Variants in ZNF107 observed in about 807,000 individuals in gnomAD.
ZNF107 encodes zinc finger protein 107.
ZNF107 carries 19 observed loss-of-function variants against 12.3 expected under a neutral mutation model. That is an observed-to-expected ratio of 1.55 (90% CI 1.08 to 2.27). The LOEUF is 2.27. Among genes scored for constraint, ZNF107 ranks in the 30% most tolerant of loss-of-function variants. The pLI, the probability that ZNF107 is intolerant of heterozygous loss-of-function variation, is 0.00. For synonymous variants in ZNF107, 317 were observed against 330.5 expected (o/e 0.96, Z 0.44); for missense variants, 958 against 979.9 (o/e 0.98, Z 0.30).
rs1789197005 is a variant in ZNF107 at position 64,670,919 on chromosome 7, C to G, written c.3+4634C>G. Among the ~76,000 whole-genome samples the G allele has an allele frequency of 3.3e-5, 5 of 152,098 alleles. No individual in the cohort carries two copies. The South Asian group carries it at 1.0e-3, about 32-fold the overall frequency. ...ACAGTAGTTTAGAAGCACTGATAGG[C>G]CCGTATGGTTTTTGACTGGCATCTG... On this transcript the variant is annotated intron_variant, in intron 1 of 3. Transcript: ENST00000620827.
In ZNF107 at chr7:64,686,910, C is replaced by T. The variant is rs142910417; in HGVS notation, c.4-4338C>T. On this transcript the variant is annotated intron_variant, in intron 1 of 3. Coordinates refer to ENST00000620827, the MANE Select transcript of ZNF107 (RefSeq NM_001282359.2). ...CACAAAGTCTGCTTGGGTCTTCAAT[C>T]CAGACCACGCTGTAACACACACTTA... 3.8e-4 allele frequency: 371 copies of T among 985,412 alleles called. 3 individuals carry two copies. In the African/African-American group the frequency reaches 5.8e-3, roughly 15 times the overall value. 61.0% of individuals were successfully genotyped at this position (985,412 alleles called of 1,614,324 possible).
intron 1 of ZNF107, among the ~76,000 whole-genome samples, chr7:64,672,552 G>A (rs888607114): frequency 3.3e-5 from 5 of 152,048 alleles, no homozygotes; most frequent in East Asian, 1.9e-4. Flanking sequence ...TTGTAAAGAC[G>A]TGGTTCTTCC....
chr7:64,695,481 AGT>A (rs1399227018), intron 3 of ZNF107, among the ~76,000 whole-genome samples: 1 of 152,154 alleles, frequency 6.6e-6, no homozygotes, highest in African/African-American at 2.4e-5. Context: ...GTTCCATATT[AGT>A]GTGGTTTTTC....
Position 64,706,825 on chromosome 7 carries a change from A to T in ZNF107, c.728A>T (p.Gln243Leu), listed in dbSNP as rs759343020. The change falls in exon 4 of 4, where the codon CAA becomes CTA. Residue 243 changes from glutamine (Q) to leucine (L), a missense_variant. Gln to Leu is a moderately radical substitution (Grantham distance 113). Coordinates refer to ENST00000620827, the MANE Select transcript of ZNF107 (RefSeq NM_001282359.2). ...ECGKAFNQSS[Q>L]LTRHKIIHTE... ...GGCAAAGCCTTTAACCAGTCCTCAC[A>T]ACTTACTAGGCATAAGATAATTCAT... 6.2e-7 allele frequency: 1 copy of T among 1,613,568 alleles called. No individual in the cohort carries two copies. The highest frequency in any genetic ancestry group is 8.5e-7 in the Non-Finnish European group (1 of 1,179,798).
At chr7:64,699,352 T>A (rs1162960464) in intron 3 of ZNF107, among the ~76,000 whole-genome samples, 1 of 152,218 alleles carries the variant, frequency 6.6e-6, no homozygotes, top group Admixed American at 6.5e-5. Flanking sequence ...CTTTTGCTTT[T>A]AATTAGTAGG....
At chr7:64,666,920 G>A (rs1481769223) in intron 1 of ZNF107, among the ~76,000 whole-genome samples, 1 of 127,554 alleles carries the variant, frequency 7.8e-6, no homozygotes, top group Non-Finnish European at 1.6e-5. Flanking sequence ...GATGAAGGTG[G>A]AAATTTTCTG....
intron 1 of ZNF107, among the ~76,000 whole-genome samples, chr7:64,675,675 G>A (rs4718098): frequency 0.93 from 141,437 of 152,262 alleles, 65,724 homozygotes; most frequent in African/African-American, 0.94. Flanking sequence ...TCATGCTTTT[G>A]TTTATAATGT....
chr7:64,698,201 G>GT (rs1790359239), intron 3 of ZNF107, among the ~76,000 whole-genome samples: 1 of 152,016 alleles, frequency 6.6e-6, no homozygotes, highest in Non-Finnish European at 1.5e-5. Flanking sequence ...TTTCTAATTT[G>GT]TGTATCTTTT....
intron 3 of ZNF107, among the ~76,000 whole-genome samples, chr7:64,697,280 A>C (rs981544071): frequency 6.6e-6 from 1 of 152,092 alleles, no homozygotes; most frequent in Non-Finnish European, 1.5e-5. Context: ...ATAAACATAC[A>C]TGTGCATGTG....
At chr7:64,678,680 A>G (rs959460702) in intron 1 of ZNF107, among the ~76,000 whole-genome samples, 1 of 152,206 alleles carries the variant, frequency 6.6e-6, no homozygotes, top group Non-Finnish European at 1.5e-5. Context: ...AAAATTATTT[A>G]TACTTAGGTA....
chr7:64,697,210 TCTA>T (rs1382204045), intron 3 of ZNF107, among the ~76,000 whole-genome samples: 1 of 152,208 alleles, frequency 6.6e-6, no homozygotes, highest in Non-Finnish European at 1.5e-5. Flanking sequence ...CTTAGTCCAG[TCTA>T]TCATTGTTGG....
intron 3 of ZNF107, among the ~76,000 whole-genome samples, chr7:64,704,872 G>T (rs1273792230): frequency 4.6e-5 from 7 of 152,078 alleles, no homozygotes; most frequent in Admixed American, 3.9e-4. Flanking sequence ...TACAGATGGG[G>T]TTTCACCATG....
At chr7:64,701,436 AT>A (rs71778819) in intron 3 of ZNF107, among the ~76,000 whole-genome samples, 78 of 144,170 alleles carry the variant, frequency 5.4e-4, no homozygotes, top group East Asian at 1.9e-3. Context: ...TAATTTTTGT[AT>A]TTTTTTTTTT....
At chr7:64,692,586 A>G (rs1790151413) in intron 3 of ZNF107, among the ~76,000 whole-genome samples, 1 of 152,158 alleles carries the variant, frequency 6.6e-6, no homozygotes, top group Non-Finnish European at 1.5e-5. Flanking sequence ...TAGGGAGTTT[A>G]TTGAATCTAT....
chr7:64,701,806 A>G (rs1452789621), intron 3 of ZNF107, among the ~76,000 whole-genome samples: 1 of 152,000 alleles, frequency 6.6e-6, no homozygotes. Flanking sequence ...TTTTTTGTAG[A>G]GACAGGGTTT....
At chr7:64,683,219 A>G (rs1225608675) in intron 1 of ZNF107, among the ~76,000 whole-genome samples, 3 of 152,204 alleles carry the variant, frequency 2.0e-5, no homozygotes, top group Non-Finnish European at 4.4e-5. Flanking sequence ...CCTTCATCAC[A>G]GTGCTGCCAT....
At chr7:64,666,337 C>G in intron 1 of ZNF107, 52 bp downstream of exon 1, 7 of 1,599,470 alleles carry the variant, frequency 4.4e-6, no homozygotes, top group Non-Finnish European at 6.0e-6. Context: ...CTGGTTGGAA[C>G]CGATCGGAAG....
intron 3 of ZNF107, among the ~76,000 whole-genome samples, chr7:64,696,499 A>T (rs1177666212): frequency 6.6e-6 from 1 of 152,196 alleles, no homozygotes; most frequent in East Asian, 1.9e-4. Context: ...TGGGTGACAG[A>T]GTGAGACCTG....
chr7:64,688,702 G>A (rs1790012072), intron 1 of ZNF107, among the ~76,000 whole-genome samples: 1 of 152,040 alleles, frequency 6.6e-6, no homozygotes, highest in African/African-American at 2.4e-5. Context: ...TCTGAGAAAT[G>A]CAAATTCTTT....
Sources: allele counts gnomAD v4.1 joint callset (sites outside exome capture counted in the v4.1 genomes callset), GRCh38; gene constraint gnomAD v4.1.1; transcripts MANE v1.5; gene names NCBI Gene and HGNC (gene_info 2026-07-23, HGNC 2026-07-21).